The following MCCC1 variants were observed in gnomAD, a reference collection of about 807,000 sequenced individuals.
MCCC1 encodes the protein methylcrotonyl-CoA carboxylase subunit 1.
Under a neutral mutation model 83.8 loss-of-function variants are expected in MCCC1, and 64 were observed. The observed-to-expected ratio is 0.76, with a 90% CI of 0.62 to 0.94. The LOEUF is 0.94. MCCC1 is among the 40% of genes least tolerant of loss of function. The pLI is 0.00. For synonymous variants in MCCC1, 322 were observed against 315.4 expected, an observed-to-expected ratio of 1.02 and a Z score of -0.22; for missense variants, 807 against 904.7, an observed-to-expected ratio of 0.89 and a Z score of 1.39.
Position 183,025,807 on chromosome 3 carries a change from T to C in MCCC1, c.1682-3A>G, listed in dbSNP as rs760180709. On this transcript the variant is annotated splice_polypyrimidine_tract_variant and splice_region_variant and intron_variant, in intron 14 of 18. Transcript: ENST00000265594. ...ATACGTTACAGCTATGGCTACATCT[T>C]TATGGAAAAAGGGAAAAAATGAAGA... 5.6e-6 allele frequency: 9 copies of C among 1,612,484 alleles called. No homozygotes were observed. The highest frequency in any genetic ancestry group is 6.8e-6 in the Non-Finnish European group (8 of 1,178,836).
chr3:183,041,504 C>T (rs1440602915), intron 11 of MCCC1, 63 bp downstream of exon 11: 3 of 1,558,026 alleles, frequency 1.9e-6, no homozygotes, highest in Admixed American at 1.7e-5. Flanking sequence ...AAGAATGTGT[C>T]CAAAAACAAT....
intron 5 of MCCC1, 150 bp from the exon 6 acceptor site, chr3:183,071,507 T>A: frequency 8.6e-7 from 1 of 1,169,364 alleles, no homozygotes; most frequent in African/African-American, 1.5e-5. Context: ...AAATTTAATA[T>A]GTCTATTAGT....
intron 10 of MCCC1, among the ~76,000 whole-genome samples, chr3:183,043,817 A>G (rs558523347): frequency 6.6e-6 from 1 of 152,300 alleles, no homozygotes; most frequent in East Asian, 1.9e-4. Flanking sequence ...TAATCCTTAG[A>G]AACCTTTTTT....
At chr3:183,025,082 G>C (rs189477975) in intron 15 of MCCC1, among the ~76,000 whole-genome samples, 2 of 152,214 alleles carry the variant, frequency 1.3e-5, no homozygotes, top group East Asian at 3.9e-4. Context: ...GCTTATATCA[G>C]GTACCTAGAG....
chr3:183,039,272 T>C (rs937238319), intron 11 of MCCC1, 137 bp from the exon 12 acceptor site: 88 of 929,320 alleles, frequency 9.5e-5, no homozygotes, highest in Non-Finnish European at 1.3e-4. Flanking sequence ...CACAAATTTA[T>C]TCATGAGGAC....
chr3:183,016,041 A>C (rs1380988023), intron 18 of MCCC1, among the ~76,000 whole-genome samples: 1 of 141,448 alleles, frequency 7.1e-6, no homozygotes, highest in Non-Finnish European at 1.5e-5. Flanking sequence ...CGGTTCTCCC[A>C]CCTCAGCCTC....
At chr3:183,045,831 G>A (rs1425853666) in intron 9 of MCCC1, among the ~76,000 whole-genome samples, 1 of 152,202 alleles carries the variant, frequency 6.6e-6, no homozygotes, top group Non-Finnish European at 1.5e-5. Flanking sequence ...TGGACCACAT[G>A]TTACTGCCTC....
intron 1 of MCCC1, among the ~76,000 whole-genome samples, chr3:183,095,208 A>G (rs1299057521): frequency 2.0e-5 from 3 of 151,936 alleles, no homozygotes; most frequent in African/African-American, 4.8e-5. Context: ...GCGTGAACCC[A>G]GGAGGCAGAG....
At chr3:183,027,651 A>C (rs187475716) in intron 14 of MCCC1, among the ~76,000 whole-genome samples, 1 of 152,304 alleles carries the variant, frequency 6.6e-6, no homozygotes, top group East Asian at 1.9e-4. Flanking sequence ...CATCTCTAAA[A>C]TAATAATAAT....
intron 8 of MCCC1, 134 bp from the exon 9 acceptor site, chr3:183,052,374 C>A: frequency 1.3e-6 from 1 of 751,110 alleles, no homozygotes; most frequent in Non-Finnish European, 2.3e-6. Flanking sequence ...AACAGTTGTC[C>A]CATAAGATTA....
rs10663232 is a variant in MCCC1, at chr3:183,046,402, A to ATTT, written c.956-865_956-863dup. On this transcript the variant is annotated intron_variant, in intron 9 of 18. Coordinates refer to ENST00000265594, the MANE Select transcript of MCCC1 (RefSeq NM_020166.5). The stretch of plus-strand genomic sequence containing the variant: ...AACCCATTAGTGGATTTTAAAATCA[A>ATTT]TTTTTTTTTTTTTAAGATGGAATCT... Among the ~76,000 whole-genome samples the ATTT allele has an allele frequency of 4.5e-3, 672 of 148,816 alleles. 3 individuals carry two copies. The highest frequency in any genetic ancestry group is 0.019 in the East Asian group (98 of 5,080).
intron 4 of MCCC1, among the ~76,000 whole-genome samples, chr3:183,073,254 A>G (rs1399292545): frequency 6.6e-6 from 1 of 152,186 alleles, no homozygotes; most frequent in African/African-American, 2.4e-5. Context: ...TTAAAATAAT[A>G]TTGCAATTAG....
In MCCC1 at chr3:183,099,333, C is replaced by A; in HGVS notation, c.89+19G>T. ...CTCGCTCCCGCCTCTGCCCACTGAG[C>A]CATGGCCCCTCCACCCACCTCGGCG... On this transcript the variant is annotated intron_variant, in intron 1 of 18. Coordinates refer to ENST00000265594, the MANE Select transcript of MCCC1 (RefSeq NM_020166.5). The A allele has an allele frequency of 6.3e-7, 1 of 1,582,960 alleles. No individual in the cohort carries two copies. The highest frequency in any genetic ancestry group is 1.3e-5 in the African/African-American group (1 of 74,290).
At chr3:183,095,084 C>T (rs186369625) in intron 1 of MCCC1, among the ~76,000 whole-genome samples, 1 of 152,088 alleles carries the variant, frequency 6.6e-6, no homozygotes, top group Non-Finnish European at 1.5e-5. Flanking sequence ...GAGATTGAGG[C>T]CATCCTGGCT....
At chr3:183,097,555 T>A (rs79240039) in intron 1 of MCCC1, among the ~76,000 whole-genome samples, 3,712 of 152,276 alleles carry the variant, frequency 0.024, 130 homozygotes, top group African/African-American at 0.071. Flanking sequence ...CCACTACGCC[T>A]GGCTAATTTT....
intron 16 of MCCC1, among the ~76,000 whole-genome samples, chr3:183,021,136 C>A (rs1310909151): frequency 6.6e-6 from 1 of 152,166 alleles, no homozygotes; most frequent in Non-Finnish European, 1.5e-5. Context: ...CAGTAGCATC[C>A]CCACTCTCAG....
Position 183,057,329 on chromosome 3 carries a change from G to A in MCCC1, c.855C>T (p.Ile285=), listed in dbSNP as rs1330129310. 6 of 1,607,208 alleles carry A rather than the reference G, an allele frequency of 3.7e-6. No homozygotes were observed. The South Asian group carries it at 6.7e-5, about 18-fold the overall frequency. ...DCSVQRRHQK[I]IEEAPAPGIK... ...TCCTTACCGCTGGGGCCTCCTCAATGATCTTCTGATGTCGCCTCTGCACAC... is the reference window on the plus strand; with the variant it reads ...TCCTTACCGCTGGGGCCTCCTCAATAATCTTCTGATGTCGCCTCTGCACAC... The change falls in exon 8 of 19, where the codon ATC becomes ATT. Residue 285 remains isoleucine, a synonymous_variant. Transcript: ENST00000265594.
intron 3 of MCCC1, chr3:183,090,932 T>G (rs1718279477): frequency 2.2e-6 from 1 of 455,736 alleles, no homozygotes. Flanking sequence ...TCCAGAGCAC[T>G]GACCTTCGAT....
intron 14 of MCCC1, among the ~76,000 whole-genome samples, chr3:183,032,870 T>C (rs991970353): frequency 5.6e-4 from 76 of 135,938 alleles, no homozygotes; most frequent in African/African-American, 2.0e-3. Flanking sequence ...CCAGAGTCTG[T>C]GTCAAAAAAA....
Sources: gnomAD v4.1 joint callset for allele counts (sites outside exome capture counted in the v4.1 genomes callset) on GRCh38, gnomAD v4.1.1 for gene constraint, MANE v1.5 for transcripts, NCBI Gene and HGNC (gene_info 2026-07-23, HGNC 2026-07-21) for gene names.